FCF1: variants seen among roughly 807,000 people sequenced by gnomAD.
FCF1 encodes rRNA-processing protein FCF1 homolog.
In FCF1, 17 loss-of-function variants were observed where a neutral mutation model predicts 32.5. The observed-to-expected ratio is 0.52, with a 90% CI of 0.36 to 0.78. The LOEUF (loss-of-function observed/expected upper bound fraction) is 0.78. Among genes scored for constraint, FCF1 ranks in the 30% least tolerant of loss-of-function variants. The probability of loss-of-function intolerance (pLI) is 0.00; values close to 1 mark genes in which losing one functional copy is unlikely to be tolerated. For synonymous variants in FCF1, 84 were observed against 78.4 expected (o/e 1.07, Z -0.38); for missense variants, 201 against 241.1 (o/e 0.83, Z 1.10).
At chr14:74,714,986 C>T (rs775417448) in intron 3 of FCF1, 43 bp downstream of exon 3, 1 of 1,543,334 alleles carries the variant, frequency 6.5e-7, no homozygotes, top group South Asian at 1.3e-5. Flanking sequence ...AAACCATAGA[C>T]CTCTTAGAAA....
rs993605527 is a variant in FCF1, at chr14:74,737,697, A to T, written c.*2767A>T. The T allele has an allele frequency of 2.0e-5, 3 of 152,204 alleles. No homozygotes were observed. The highest frequency in any genetic ancestry group is 2.9e-5 in the Non-Finnish European group (2 of 68,054). The allele number at this position is 152,204 out of a possible 1,614,324, so 9.4% of individuals were successfully genotyped here. A position where few individuals can be genotyped will look rare whatever the true frequency, so the allele number is the denominator to read the frequency against. ...AAGGTGGCTATCCATTTGAAAAAAA[A>T]TTAGGCCGGGCGTGGTGGCTCACAC... On this transcript the variant is annotated 3_prime_UTR_variant, in exon 8 of 8. Coordinates refer to ENST00000341162, the MANE Select transcript of FCF1 (RefSeq NM_015962.5).
chr14:74,728,959 A>G (rs955107511), intron 5 of FCF1, among the ~76,000 whole-genome samples: 1 of 152,092 alleles, frequency 6.6e-6, no homozygotes, highest in Non-Finnish European at 1.5e-5. Context: ...AGCCCACTTG[A>G]TCATGGTGGA....
intron 4 of FCF1, among the ~76,000 whole-genome samples, chr14:74,719,506 A>T (rs1465666738): frequency 6.6e-6 from 1 of 151,958 alleles, no homozygotes; most frequent in Non-Finnish European, 1.5e-5. Context: ...CATGCCTGTA[A>T]TCCCAACGCT....
chr14:74,727,921 C>T (rs915714495), intron 5 of FCF1, among the ~76,000 whole-genome samples: 20 of 152,034 alleles, frequency 1.3e-4, no homozygotes, highest in Middle Eastern at 3.2e-3. Context: ...TGTAGATATG[C>T]GGCGTTATTT....
chr14:74,734,185 T>C lies in FCF1; in HGVS notation c.548+15T>C, dbSNP rs1392667265. The C allele has an allele frequency of 6.8e-7, 1 of 1,467,760 alleles. No homozygotes were observed. Among genetic ancestry groups the C allele is most frequent in the African/African-American group, 1.4e-5 (1 of 72,006 alleles). 90.9% of individuals were successfully genotyped at this position (1,467,760 alleles called of 1,614,324 possible). On this transcript the variant is annotated intron_variant, in intron 7 of 7. Transcript: ENST00000341162. ...TCTAACCATAGGTGAGAAATTTCCCTTGGAGAAGGGAATAGAAATATATAA... is the reference window on the plus strand; with the variant it reads ...TCTAACCATAGGTGAGAAATTTCCCCTGGAGAAGGGAATAGAAATATATAA...
At chr14:74,716,325 T>C (rs371190218) in intron 4 of FCF1, among the ~76,000 whole-genome samples, 41 of 152,298 alleles carry the variant, frequency 2.7e-4, no homozygotes, top group African/African-American at 9.1e-4. Flanking sequence ...ATGCTTCGAG[T>C]ATCATTATGG....
intron 4 of FCF1, among the ~76,000 whole-genome samples, chr14:74,721,309 A>G (rs1055507853): frequency 5.3e-5 from 8 of 151,768 alleles, no homozygotes; most frequent in African/African-American, 1.9e-4. Flanking sequence ...GGCCTCCCAA[A>G]GTGCTGAGAT....
Position 74,735,016 on chromosome 14 carries a change from A to G in FCF1, c.*86A>G, listed in dbSNP as rs2090688834. On this transcript the variant is annotated 3_prime_UTR_variant, in exon 8 of 8. Transcript: ENST00000341162. ...TTACACAAAATGTAGCGGGATTTTT[A>G]AGGAATCAGAGAGACTGATGGAGTT... The G allele has an allele frequency of 8.7e-7, 1 of 1,144,370 alleles. No individual in the cohort carries two copies. The highest frequency in any genetic ancestry group is 1.5e-5 in the African/African-American group (1 of 65,694). 70.9% of individuals were successfully genotyped at this position (1,144,370 alleles called of 1,614,324 possible).
intron 5 of FCF1, among the ~76,000 whole-genome samples, chr14:74,725,115 C>G (rs1285488420): frequency 1.3e-5 from 2 of 151,462 alleles, no homozygotes; most frequent in African/African-American, 2.4e-5. Context: ...AGTTCAGCTA[C>G]TATTGGAGTC....
In FCF1 at chr14:74,713,167, A is replaced by G. The variant is rs558483149; in HGVS notation, c.-31A>G. On this transcript the variant is annotated 5_prime_UTR_variant, in exon 1 of 8. Transcript: ENST00000341162. Reference sequence around the variant, plus strand: ...ACGTAGAAGTATTGCGCCGTTGGTGATTACGGAAGAACCAGGAGTTTGGCG... The same window carrying G: ...ACGTAGAAGTATTGCGCCGTTGGTGGTTACGGAAGAACCAGGAGTTTGGCG... 12 of 1,614,190 alleles carry G rather than the reference A, an allele frequency of 7.4e-6. No homozygotes were observed. The South Asian group carries it at 9.9e-5, about 13-fold the overall frequency.
chr14:74,731,133 C>T (rs2090631392), intron 5 of FCF1, among the ~76,000 whole-genome samples: 2 of 151,940 alleles, frequency 1.3e-5, no homozygotes, highest in Admixed American at 1.3e-4. Context: ...CCACACCCAG[C>T]CTGGTAATTT....
chr14:74,734,430 T>G (rs1439051826), intron 7 of FCF1, among the ~76,000 whole-genome samples: 1 of 152,128 alleles, frequency 6.6e-6, no homozygotes, highest in Admixed American at 6.5e-5. Context: ...AAGCAGTAAT[T>G]TAAATCAAGC....
Position 74,735,004 on chromosome 14 carries a change from A to T in FCF1, c.*74A>T. The T allele has an allele frequency of 1.6e-6, 2 of 1,286,008 alleles. No homozygotes were observed. The highest frequency in any genetic ancestry group is 2.3e-6 in the Non-Finnish European group (2 of 882,940). The allele number at this position is 1,286,008 out of a possible 1,614,324, so 79.7% of individuals were successfully genotyped here. A position where few individuals can be genotyped will look rare whatever the true frequency, so the allele number is the denominator to read the frequency against. On this transcript the variant is annotated 3_prime_UTR_variant, in exon 8 of 8. Coordinates refer to ENST00000341162, the MANE Select transcript of FCF1 (RefSeq NM_015962.5). ...GTTGCCAGTTCATTACACAAAATGT[A>T]GCGGGATTTTTAAGGAATCAGAGAG...
intron 5 of FCF1, among the ~76,000 whole-genome samples, chr14:74,727,005 A>G (rs2090585508): frequency 6.6e-6 from 1 of 152,012 alleles, no homozygotes. Context: ...CCAGTCTATC[A>G]TTGTTGGACA....
chr14:74,732,279 T>G (rs2090649240), intron 5 of FCF1, among the ~76,000 whole-genome samples: 1 of 152,180 alleles, frequency 6.6e-6, no homozygotes, highest in African/African-American at 2.4e-5. Context: ...AAAATGGGTT[T>G]AACTTTTACC....
intron 4 of FCF1, among the ~76,000 whole-genome samples, chr14:74,720,501 A>G (rs1026292798): frequency 6.6e-6 from 1 of 152,244 alleles, no homozygotes; most frequent in Non-Finnish European, 1.5e-5. Context: ...GATCATTTAT[A>G]TTACAGTTTG....
At chr14:74,715,671 T>C in intron 3 of FCF1, 1 of 496,022 alleles carries the variant, frequency 2.0e-6, no homozygotes. Context: ...ATGGTGATTC[T>C]ACTTTTGCTA....
Position 74,723,107 on chromosome 14 carries a change from C to A in FCF1, c.293-165C>A, listed in dbSNP as rs531852858. Among the ~76,000 whole-genome samples the A allele has an allele frequency of 4.6e-5, 7 of 152,116 alleles. No homozygotes were observed. In the East Asian group the frequency reaches 1.3e-3, roughly 29 times the overall value. Reference sequence around the variant, plus strand: ...TTTGGGGTTGGGACAATCTTAGTTTCTTAGGGTTTTCTTCTACTCTAGTTC... The same window carrying A: ...TTTGGGGTTGGGACAATCTTAGTTTATTAGGGTTTTCTTCTACTCTAGTTC... On this transcript the variant is annotated intron_variant, in intron 4 of 7. Transcript: ENST00000341162.
chr14:74,732,771 C>A lies in FCF1; in HGVS notation c.406C>A (p.His136Asn), dbSNP rs1274018868. The A allele has an allele frequency of 6.2e-7, 1 of 1,612,880 alleles. No individual in the cohort carries two copies. Residue 136 changes from histidine to asparagine, a missense_variant, in exon 6 of 8, where the codon CAC becomes AAC. Transcript: ENST00000341162. ...AAGATTTGAACGATTACCATGTACA[C>A]ACAAAGGAACCTATGCAGATGACTG... ...DPRFERLPCT[H>N]KGTYADDCLV...
Sources: gnomAD v4.1 joint callset for allele counts (sites outside exome capture counted in the v4.1 genomes callset) on GRCh38, gnomAD v4.1.1 for gene constraint, MANE v1.5 for transcripts, NCBI Gene and HGNC (gene_info 2026-07-23, HGNC 2026-07-21) for gene names.